NAA11: variants seen among roughly 807,000 people sequenced by gnomAD.
NAA11 encodes the protein N-alpha-acetyltransferase 11, NatA catalytic subunit, also known as N-alpha-acetyltransferase 11.
A neutral mutation model predicts 16.1 loss-of-function variants in NAA11; 15 were observed. The observed-to-expected ratio is 0.93, with a 90% CI of 0.62 to 1.44. The LOEUF is 1.44. NAA11 is among the 40% of genes most tolerant of loss of function. The pLI is 0.00. For synonymous variants in NAA11, 122 were observed against 112.4 expected, an observed-to-expected ratio of 1.09 and a Z score of -0.54; for missense variants, 298 against 291.3, an observed-to-expected ratio of 1.02 and a Z score of -0.17.
At chr4:79,186,774 G>A in the NAA11 span, among the ~76,000 whole-genome samples, 2 of 152,028 alleles carry the variant, frequency 1.3e-5, no homozygotes, top group East Asian at 3.9e-4. Context: ...GAGTACCAAC[G>A]ACAAGCCAGT....
downstream of NAA11, among the ~76,000 whole-genome samples, chr4:79,225,058 G>A (rs944278001): frequency 5.9e-5 from 9 of 151,426 alleles, no homozygotes; most frequent in Non-Finnish European, 1.3e-4. Flanking sequence ...AATAGTGAGA[G>A]GACACTAGGA....
Position 79,258,444 on chromosome 4 carries a change from C to T in NAA11, c.*123-32174G>A, listed in dbSNP as rs116778043. On this transcript the variant is annotated intron_variant and NMD_transcript_variant, in intron 2 of 2. Transcript: ENST00000511542. ...ACCTACTTTGATCTTGGAGCAAAGT[C>T]GGAGCTGAGCCCAGGTGCTGTCACA... Among the ~76,000 whole-genome samples the T allele has an allele frequency of 3.2e-3, 481 of 152,360 alleles. 2 individuals carry two copies. The highest frequency in any genetic ancestry group is 5.8e-3 in the South Asian group (28 of 4,832).
At chr4:79,168,715 G>T in the NAA11 span, among the ~76,000 whole-genome samples, 3 of 152,080 alleles carry the variant, frequency 2.0e-5, no homozygotes, top group South Asian at 2.1e-4. Context: ...CTTTGATGGG[G>T]TTGTTTGTTT....
the NAA11 span, among the ~76,000 whole-genome samples, chr4:79,214,713 G>A: frequency 5.7e-4 from 86 of 152,186 alleles, no homozygotes; most frequent in African/African-American, 1.9e-3. Flanking sequence ...GCAGGAGAAT[G>A]GCATGAACCA....
At chr4:79,168,498 G>T in the NAA11 span, among the ~76,000 whole-genome samples, 1 of 152,196 alleles carries the variant, frequency 6.6e-6, no homozygotes. Context: ...CACTGTAAAA[G>T]TGTTCCTGTT....
chr4:79,206,376 T>C, the NAA11 span, among the ~76,000 whole-genome samples: 5 of 151,886 alleles, frequency 3.3e-5, no homozygotes, highest in Non-Finnish European at 7.4e-5. Context: ...TCAAAGACTT[T>C]CCCCCCCATC....
the NAA11 span, among the ~76,000 whole-genome samples, chr4:79,188,218 G>T: frequency 1.3e-5 from 2 of 152,042 alleles, no homozygotes; most frequent in Non-Finnish European, 2.9e-5. Flanking sequence ...ACAGCAAGCT[G>T]CAAGTAAAAC....
At chr4:79,254,845 G>A (rs1722072971) in intron 2 of NAA11, among the ~76,000 whole-genome samples, 2 of 151,918 alleles carry the variant, frequency 1.3e-5, no homozygotes, top group Admixed American at 6.6e-5. Context: ...ATGACAAGTA[G>A]TGTAAGAATT....
At chr4:79,286,505 G>A (rs1462661524) in intron 2 of NAA11, among the ~76,000 whole-genome samples, 4 of 152,030 alleles carry the variant, frequency 2.6e-5, no homozygotes, top group African/African-American at 9.7e-5. Context: ...CTTTAGTCAT[G>A]AATGTAATTT....
Position 79,305,823 on chromosome 4 carries a change from C to CA in NAA11, c.*13-11710dup, listed in dbSNP as rs548530932. ...TCAAATGGTATAACATAATAATCCT[C>CA]AAAAATCTAGTTTTCATCATTTTTT... On this transcript the variant is annotated intron_variant and NMD_transcript_variant, in intron 1 of 2. Coordinates refer to the NAA11 transcript ENST00000511542. 2.1e-3 allele frequency among the ~76,000 whole-genome samples: 327 copies of CA among 152,240 alleles called. 1 individual carries two copies. The highest frequency in any genetic ancestry group is 7.7e-3 in the African/African-American group (321 of 41,536).
At chr4:79,303,669 T>G (rs1485573564) in intron 1 of NAA11, among the ~76,000 whole-genome samples, 1 of 152,222 alleles carries the variant, frequency 6.6e-6, no homozygotes, top group African/African-American at 2.4e-5. Context: ...CTTCCCTTTT[T>G]GTTTTGGGAG....
chr4:79,215,694 C>T, the NAA11 span, among the ~76,000 whole-genome samples: 1 of 152,166 alleles, frequency 6.6e-6, no homozygotes, highest in Non-Finnish European at 1.5e-5. Flanking sequence ...AGTCAGTAAC[C>T]AGTAAACAGC....
intron 2 of NAA11, among the ~76,000 whole-genome samples, chr4:79,277,294 G>A (rs1017878591): frequency 6.6e-6 from 1 of 151,934 alleles, no homozygotes; most frequent in South Asian, 2.1e-4. Context: ...TATTCTTGTC[G>A]GGTGCTGTGT....
At chr4:79,191,789 G>A in the NAA11 span, among the ~76,000 whole-genome samples, 14 of 151,990 alleles carry the variant, frequency 9.2e-5, no homozygotes, top group African/African-American at 3.1e-4. Flanking sequence ...TGCCTAGGTT[G>A]TCTTCCAGGA....
intron 2 of NAA11, among the ~76,000 whole-genome samples, chr4:79,278,803 G>A (rs1722723638): frequency 1.3e-5 from 2 of 152,080 alleles, no homozygotes. Flanking sequence ...TATAATACAT[G>A]TCTTAGTACA....
At chr4:79,204,835 A>G in the NAA11 span, among the ~76,000 whole-genome samples, 2 of 151,626 alleles carry the variant, frequency 1.3e-5, no homozygotes, top group Non-Finnish European at 2.9e-5. Context: ...TTCCTGATTT[A>G]CTTCACTTAG....
chr4:79,173,555 TACA>T, the NAA11 span, among the ~76,000 whole-genome samples: 612 of 152,060 alleles, frequency 4.0e-3, 1 homozygote, highest in Non-Finnish European at 6.8e-3. Flanking sequence ...CATAGATAAA[TACA>T]ACAACAAATA....
At chr4:79,257,402 A>G (rs1053101157) in intron 2 of NAA11, among the ~76,000 whole-genome samples, 22 of 152,112 alleles carry the variant, frequency 1.4e-4, no homozygotes, top group Non-Finnish European at 2.8e-4. Context: ...TAGTTTCAAA[A>G]TTTTAAAAAT....
chr4:79,233,193 T>C (rs1417430126), intron 2 of NAA11, among the ~76,000 whole-genome samples: 1 of 151,948 alleles, frequency 6.6e-6, no homozygotes, highest in Non-Finnish European at 1.5e-5. Flanking sequence ...TCTCTGCCCC[T>C]TCTCTTGAGA....
Sources: gnomAD v4.1 joint callset for allele counts (sites outside exome capture counted in the v4.1 genomes callset) on GRCh38, gnomAD v4.1.1 for gene constraint, MANE v1.5 for transcripts, NCBI Gene and HGNC (gene_info 2026-07-23, HGNC 2026-07-21) for gene names.